ZMYND11: variants seen among roughly 807,000 people sequenced by gnomAD.
ZMYND11 encodes zinc finger MYND domain-containing protein 11.
Under a neutral mutation model 84.9 loss-of-function variants are expected in ZMYND11, and 9 were observed. The ratio of observed to expected loss-of-function variants is 0.11; its 90% CI spans 0.06 to 0.18. The LOEUF is 0.18. Among genes scored for constraint, ZMYND11 ranks in the 10% least tolerant of loss-of-function variants. The probability of loss-of-function intolerance (pLI) is 1.00; values close to 1 mark genes in which losing one functional copy is unlikely to be tolerated. For missense variants in ZMYND11, 409 were observed against 761.0 expected (o/e 0.54, Z 5.44); for synonymous variants, 250 against 244.1 (o/e 1.02, Z -0.23).
At chr10:201,172 AT>A (rs1486500541) in intron 2 of ZMYND11, among the ~76,000 whole-genome samples, 1 of 152,108 alleles carries the variant, frequency 6.6e-6, no homozygotes, top group Non-Finnish European at 1.5e-5. Flanking sequence ...AGGTACTGAA[AT>A]TGGGGGGCAG....
intron 2 of ZMYND11, among the ~76,000 whole-genome samples, chr10:199,717 G>A (rs1044083618): frequency 1.8e-4 from 28 of 152,094 alleles, no homozygotes; most frequent in Admixed American, 1.8e-3. Context: ...ATAGGTCTGA[G>A]CCACTGTGGC....
At chr10:247,531 G>GAAAA in intron 12 of ZMYND11, 65 bp downstream of exon 12, 4 of 1,536,466 alleles carry the variant, frequency 2.6e-6, no homozygotes, top group South Asian at 1.2e-5. Context: ...AAAGTATTTT[G>GAAAA]TATTTTCAAA....
intron 10 of ZMYND11, 133 bp downstream of exon 10, chr10:242,272 A>AATACGTTCCAAGATAAATTGTTTC: frequency 7.5e-7 from 1 of 1,335,578 alleles, no homozygotes; most frequent in Non-Finnish European, 1.0e-6. Flanking sequence ...TGCATCCAAG[A>AATACGTTCCAAGATAAATTGTTTC]ATACGTTCCA....
intron 3 of ZMYND11, among the ~76,000 whole-genome samples, chr10:217,342 G>A (rs567476444): frequency 1.8e-4 from 27 of 152,200 alleles, no homozygotes; most frequent in Non-Finnish European, 3.1e-4. Context: ...GTAACATGGC[G>A]AAATCCCGTC....
At chr10:197,888 C>A in intron 2 of ZMYND11, 1 of 566,174 alleles carries the variant, frequency 1.8e-6, no homozygotes, top group East Asian at 3.1e-5. Flanking sequence ...GACTATCAAA[C>A]TTACAATATA....
chr10:145,072 T>C (rs1838421924), intron 1 of ZMYND11, among the ~76,000 whole-genome samples: 1 of 151,236 alleles, frequency 6.6e-6, no homozygotes, highest in African/African-American at 2.4e-5. Context: ...GCCTCTAGCT[T>C]CATTCAGGTT....
At chr10:135,177 G>C (rs1186568843), upstream of ZMYND11, 2 of 150,798 alleles carry the variant, frequency 1.3e-5, no homozygotes, top group South Asian at 2.1e-4. The surrounding 1 kb of genome is among the most constrained non-coding windows in gnomAD (Gnocchi z 5.6). Context: ...CGGCCCCGCA[G>C]GCCCGCGGCG....
At chr10:249,293 G>A in intron 14 of ZMYND11, 1 of 1,388,398 alleles carries the variant, frequency 7.2e-7, no homozygotes, top group East Asian at 2.7e-5. Flanking sequence ...GTACTGCTCA[G>A]GATTATTTTG....
intron 1 of ZMYND11, among the ~76,000 whole-genome samples, chr10:155,876 A>G (rs1472408725): frequency 6.6e-6 from 1 of 152,228 alleles, no homozygotes; most frequent in Non-Finnish European, 1.5e-5. Context: ...TTTGGTGTAC[A>G]AGAGACTTAA....
At chr10:199,840 CTA>C (rs1942706671) in intron 2 of ZMYND11, among the ~76,000 whole-genome samples, 1 of 151,512 alleles carries the variant, frequency 6.6e-6, no homozygotes, top group Non-Finnish European at 1.5e-5. Context: ...CTTTTTTTAA[CTA>C]TAAAATTTTA....
rs369898730 is a variant in ZMYND11 at position 220,742 on chromosome 10, C to A, written c.277-453C>A. Among the ~76,000 whole-genome samples, 76 of 150,304 alleles carry A rather than the reference C, an allele frequency of 5.1e-4. No individual in the cohort carries two copies. In the East Asian group the frequency reaches 7.9e-3, roughly 16 times the overall value. On this transcript the variant is annotated intron_variant, in intron 3 of 14. Transcript: ENST00000381604. ...GAGAAGATAAGAATAGTGAGCATCACCAGTTATTACTATTCTCTCTGTTCC... is the reference window on the plus strand; with the variant it reads ...GAGAAGATAAGAATAGTGAGCATCAACAGTTATTACTATTCTCTCTGTTCC...
chr10:183,332 C>T (rs1303499010), intron 2 of ZMYND11, among the ~76,000 whole-genome samples: 1 of 151,346 alleles, frequency 6.6e-6, no homozygotes, highest in African/African-American at 2.4e-5. Flanking sequence ...TAACCTGTTG[C>T]TCAGTCCTTT....
At position 248,401 on chromosome 10, in the gene ZMYND11, C is replaced by T. The variant is rs145794692; in HGVS notation, c.1293C>T (p.Ile431=). The T allele has an allele frequency of 6.3e-5, 102 of 1,614,126 alleles. No individual in the cohort carries two copies. Among genetic ancestry groups the T allele is most frequent in the Non-Finnish European group, 8.1e-5 (95 of 1,180,010 alleles). The change falls in exon 13 of 15, where the codon ATC becomes ATT. Residue 431 remains isoleucine (I), a synonymous_variant. Coordinates refer to ENST00000381604, the MANE Select transcript of ZMYND11 (RefSeq NM_001370100.5). The part of the protein sequence containing the change: ...SQEIPTMPQP[I]EKVSVSTQTK... ...AAATACCCACGATGCCTCAGCCCATCGAAAAAGTCTCCGTGTCAACTCAGA... is the reference window on the plus strand; with the variant it reads ...AAATACCCACGATGCCTCAGCCCATTGAAAAAGTCTCCGTGTCAACTCAGA...
intron 1 of ZMYND11, among the ~76,000 whole-genome samples, chr10:155,762 A>T (rs1554758658): frequency 2.0e-5 from 3 of 152,234 alleles, no homozygotes; most frequent in South Asian, 2.1e-4. Context: ...TTTATAATTT[A>T]AAAACTCTTG....
In ZMYND11 at chr10:245,930, G is replaced by A. The variant is rs369947936; in HGVS notation, c.951-836G>A. ...ACACCTGTGGGCAGCATCTCTTGCC[G>A]CTGTCAAATGAGGCAATGAAACTCA... On this transcript the variant is annotated intron_variant, in intron 10 of 14. Transcript: ENST00000381604. 8.7e-4 allele frequency among the ~76,000 whole-genome samples: 132 copies of A among 152,200 alleles called. 3 individuals are homozygous for A. The South Asian group carries it at 0.026, about 30-fold the overall frequency.
chr10:136,494 G>C (rs1836104032), intron 1 of ZMYND11, among the ~76,000 whole-genome samples: 1 of 152,080 alleles, frequency 6.6e-6, no homozygotes, highest in Non-Finnish European at 1.5e-5. Flanking sequence ...ACCCGGTGTC[G>C]TACCGGCTAT....
chr10:187,907 A>G (rs1939177996), intron 2 of ZMYND11, among the ~76,000 whole-genome samples: 1 of 152,218 alleles, frequency 6.6e-6, no homozygotes, highest in Non-Finnish European at 1.5e-5. Flanking sequence ...ACATTTTTAG[A>G]AACTGGAGGA....
intron 1 of ZMYND11, chr10:148,849 T>C: frequency 6.6e-6 from 1 of 152,214 alleles, no homozygotes; most frequent in Non-Finnish European, 1.5e-5. Flanking sequence ...TCTTCCGGGT[T>C]AGACCTTAGG....
intron 1 of ZMYND11, among the ~76,000 whole-genome samples, chr10:165,796 T>C (rs969324195): frequency 2.0e-5 from 3 of 152,170 alleles, no homozygotes; most frequent in African/African-American, 7.2e-5. Flanking sequence ...TTGTTGCTTT[T>C]CCTTAATTAC....
Sources: allele counts gnomAD v4.1 joint callset (sites outside exome capture counted in the v4.1 genomes callset), GRCh38; gene constraint gnomAD v4.1.1; non-coding constraint Gnocchi (gnomAD v3.1); transcripts MANE v1.5; gene names NCBI Gene and HGNC (gene_info 2026-07-23, HGNC 2026-07-21).